The following FER1L6 variants were observed in gnomAD, a reference collection of about 807,000 sequenced individuals.
The protein encoded by FER1L6 is fer-1-like protein 6.
A neutral mutation model predicts 219.2 loss-of-function variants in FER1L6; 177 were observed. The observed-to-expected ratio is 0.81, with a 90% CI of 0.71 to 0.91. FER1L6 has a LOEUF of 0.91. Among genes scored for constraint, FER1L6 ranks in the 40% least tolerant of loss-of-function variants. FER1L6 has a pLI of 0.00. For missense variants in FER1L6, 2,153 were observed against 2,259.9 expected, an observed-to-expected ratio of 0.95 and a Z score of 0.96; for synonymous variants, 768 against 824.3, an observed-to-expected ratio of 0.93 and a Z score of 1.17.
At chr8:124,108,062 A>C (rs888479568) in intron 39 of FER1L6, among the ~76,000 whole-genome samples, 1 of 152,198 alleles carries the variant, frequency 6.6e-6, no homozygotes, top group Non-Finnish European at 1.5e-5. Context: ...TAAGCAATGC[A>C]TTCAAAGCTA....
In FER1L6 at chr8:124,118,789, A is replaced by G. The variant is rs987796627; in HGVS notation, c.5290-55A>G. ...TTGGTAACACTTCTAGAAGGTTGCC[A>G]TTGGCTCAGTGGGTCTTTGTGACTG... is the stretch of plus-strand genomic sequence containing the variant. On this transcript the variant is annotated intron_variant, in intron 39 of 40. Coordinates refer to ENST00000522917, the MANE Select transcript of FER1L6 (RefSeq NM_001039112.2). 12 of 1,487,252 alleles carry G rather than the reference A, an allele frequency of 8.1e-6. No homozygotes were observed. The Admixed American group carries it at 2.1e-4, about 26-fold the overall frequency. The allele number at this position is 1,487,252 out of a possible 1,614,324, so 92.1% of individuals were successfully genotyped here.
At chr8:124,009,695 C>T (rs183806631) in intron 13 of FER1L6, among the ~76,000 whole-genome samples, 18 of 152,176 alleles carry the variant, frequency 1.2e-4, no homozygotes, top group Admixed American at 2.0e-4. Context: ...GGTCATTGAT[C>T]GGGAGGTCCA....
chr8:123,864,039 A>G (rs1219589182), intron 1 of FER1L6, among the ~76,000 whole-genome samples: 1 of 144,274 alleles, frequency 6.9e-6, no homozygotes, highest in Non-Finnish European at 1.5e-5. Context: ...TTAGCTGGTT[A>G]TTTTGCTCGT....
intron 1 of FER1L6, among the ~76,000 whole-genome samples, chr8:123,889,351 G>A (rs774692944): frequency 6.6e-6 from 1 of 152,100 alleles, no homozygotes; most frequent in Non-Finnish European, 1.5e-5. Flanking sequence ...AAGTGCACTA[G>A]GTGAACTTTT....
At chr8:124,083,048 A>T (rs966528722) in intron 33 of FER1L6, among the ~76,000 whole-genome samples, 4 of 152,008 alleles carry the variant, frequency 2.6e-5, no homozygotes, top group African/African-American at 9.7e-5. Context: ...ATACATATAT[A>T]TGGGGTATAT....
intron 40 of FER1L6, among the ~76,000 whole-genome samples, chr8:124,119,243 G>A (rs567168535): frequency 3.9e-4 from 60 of 152,290 alleles, no homozygotes; most frequent in African/African-American, 6.3e-4. Flanking sequence ...TGAGTCAAGC[G>A]ATGAATGAGT....
At chr8:124,112,076 G>A (rs1014539778) in intron 39 of FER1L6, among the ~76,000 whole-genome samples, 1 of 152,112 alleles carries the variant, frequency 6.6e-6, no homozygotes, top group Non-Finnish European at 1.5e-5. Context: ...CCATACCTGG[G>A]GGCACTTCTG....
chr8:123,873,433 G>C (rs1307550497), intron 1 of FER1L6, among the ~76,000 whole-genome samples: 1 of 152,294 alleles, frequency 6.6e-6, no homozygotes, highest in East Asian at 1.9e-4. Context: ...GGAGGAGCCT[G>C]TTTCTCCTGT....
intron 25 of FER1L6, among the ~76,000 whole-genome samples, chr8:124,062,851 T>G (rs1356940210): frequency 7.4e-6 from 1 of 134,304 alleles, no homozygotes; most frequent in Non-Finnish European, 1.7e-5. Context: ...CAGGGGCCAC[T>G]CCAGAGAGCT....
At chr8:124,095,201 G>C (rs530649440) in intron 35 of FER1L6, among the ~76,000 whole-genome samples, 163 bp downstream of exon 35, 1 of 152,150 alleles carries the variant, frequency 6.6e-6, no homozygotes, top group South Asian at 2.1e-4. Flanking sequence ...GCATATAGTG[G>C]GTAGAGGCCA....
At chr8:123,975,070 G>C (rs1409429147) in intron 7 of FER1L6, 80 bp from the exon 8 acceptor site, 1 of 1,321,080 alleles carries the variant, frequency 7.6e-7, no homozygotes, top group Non-Finnish European at 1.0e-6. Context: ...AGCCTGGGAG[G>C]CCTTGGCGTG....
chr8:124,003,972 T>C (rs1179157633), intron 13 of FER1L6, among the ~76,000 whole-genome samples: 1 of 152,058 alleles, frequency 6.6e-6, no homozygotes, highest in Non-Finnish European at 1.5e-5. Flanking sequence ...GATAGGAAGG[T>C]CAGAACTTAC....
At chr8:124,030,570 C>T (rs1379020526) in intron 18 of FER1L6, among the ~76,000 whole-genome samples, 4 of 152,170 alleles carry the variant, frequency 2.6e-5, no homozygotes, top group South Asian at 4.2e-4. Context: ...CAGAGGGTGG[C>T]GCTCAACCTT....
chr8:124,013,334 A>AC (rs1818029636), intron 14 of FER1L6, 97 bp from the exon 15 acceptor site: 1 of 677,348 alleles, frequency 1.5e-6, no homozygotes, highest in Non-Finnish European at 2.3e-6. Flanking sequence ...AAAACAAAAA[A>AC]AAAATAGCTG....
At position 123,929,245 on chromosome 8, in the gene FER1L6, T is replaced by C. The variant is rs551362038; in HGVS notation, c.-7-26747T>C. On this transcript the variant is annotated intron_variant, in intron 1 of 40. Transcript: ENST00000522917. ...GGCTACTCTGCCCCATGCACATGCA[T>C]GAGATGCAGCAGTGAACTGGGCAGG... Among the ~76,000 whole-genome samples, 61 of 152,328 alleles carry C rather than the reference T, an allele frequency of 4.0e-4. No homozygotes were observed. In the South Asian group the frequency reaches 0.01, roughly 26 times the overall value.
chr8:123,989,651 G>T (rs1203535887), intron 12 of FER1L6, among the ~76,000 whole-genome samples: 1 of 152,152 alleles, frequency 6.6e-6, no homozygotes, highest in Non-Finnish European at 1.5e-5. Flanking sequence ...TTATAAGTGA[G>T]AACATATGGT....
At chr8:123,871,577 G>A (rs780444451) in intron 1 of FER1L6, among the ~76,000 whole-genome samples, 2 of 152,090 alleles carry the variant, frequency 1.3e-5, no homozygotes, top group African/African-American at 2.4e-5. Flanking sequence ...ATAATCCAAA[G>A]TATAAAATAA....
In FER1L6 at chr8:124,052,256, TGAAG is replaced by T. The variant is rs533462885; in HGVS notation, c.2874+2502_2874+2505del. Among the ~76,000 whole-genome samples, 583 of 152,314 alleles carry T rather than the reference TGAAG, an allele frequency of 3.8e-3. 4 individuals carry two copies. Among genetic ancestry groups the T allele is most frequent in the African/African-American group, 0.012 (513 of 41,574 alleles). On this transcript the variant is annotated intron_variant, in intron 22 of 40. Transcript: ENST00000522917. ...AGCATTAAATAGTGTTGGATTGATA[TGAAG>T]GGAGTTTTGCCATGTTTTATCCTTC...
rs189383490 is a variant in FER1L6 at position 124,020,509 on chromosome 8, T to C, written c.2014-1041T>C. ...TTTTTTTTTCCTAAGCACATAAATG[T>C]GAGCTGAACAAATGAATCAAAATAA... On this transcript the variant is annotated intron_variant, in intron 16 of 40. Transcript: ENST00000522917. Among the ~76,000 whole-genome samples the C allele has an allele frequency of 1.3e-3, 199 of 152,336 alleles. 1 individual carries two copies. Among genetic ancestry groups the C allele is most frequent in the African/African-American group, 4.6e-3 (191 of 41,580 alleles).
Sources: allele counts gnomAD v4.1 joint callset (sites outside exome capture counted in the v4.1 genomes callset), GRCh38; gene constraint gnomAD v4.1.1; transcripts MANE v1.5; gene names NCBI Gene and HGNC (gene_info 2026-07-23, HGNC 2026-07-21).